RSAD2: variants seen among roughly 807,000 people sequenced by gnomAD.
RSAD2 encodes the protein S-adenosylmethionine-dependent nucleotide dehydratase RSAD2.
RSAD2 carries 38 observed loss-of-function variants against 37.7 expected under a neutral mutation model. The observed-to-expected ratio is 1.01, with a 90% CI of 0.78 to 1.32. The LOEUF (loss-of-function observed/expected upper bound fraction) is 1.32. Ranked by LOEUF, RSAD2 falls within the 40% of genes most tolerant of loss-of-function variation. The pLI is 0.00. For synonymous variants in RSAD2, 163 were observed against 157.4 expected, an observed-to-expected ratio of 1.04 and a Z score of -0.27; for missense variants, 428 against 437.5, an observed-to-expected ratio of 0.98 and a Z score of 0.19.
chr2:6,881,520 C>T (rs1311586833), intron 1 of RSAD2, among the ~76,000 whole-genome samples: 1 of 152,210 alleles, frequency 6.6e-6, no homozygotes, highest in Non-Finnish European at 1.5e-5. Flanking sequence ...AATTCTTCCA[C>T]TAAAAACCAG....
chr2:6,872,833 T>A (rs1020078968), upstream of RSAD2, among the ~76,000 whole-genome samples: 19 of 152,338 alleles, frequency 1.2e-4, no homozygotes, highest in African/African-American at 4.6e-4. Flanking sequence ...TAAAATTTGA[T>A]CTCCAGTATT....
intron 4 of RSAD2, 38 bp from the exon 5 acceptor site, chr2:6,893,633 C>T (rs1376998140): frequency 3.8e-6 from 6 of 1,560,246 alleles, no homozygotes; most frequent in African/African-American, 2.7e-5. Context: ...CTGAGAAATG[C>T]ACCTGAAACT....
chr2:6,878,150 AGTACATG>A lies in RSAD2; in HGVS notation c.346+7_346+13del. On this transcript the variant is annotated splice_donor_5th_base_variant and intron_variant, in intron 1 of 5. Coordinates refer to ENST00000382040, the MANE Select transcript of RSAD2 (RefSeq NM_080657.5). ...TTGCTTTTGCTTAAGGAAGCTGGTGAGTACATGGTCCTAGACAGAAATCAGGATTCTC... is the reference window on the plus strand; with the variant it reads ...TTGCTTTTGCTTAAGGAAGCTGGTGAGTCCTAGACAGAAATCAGGATTCTC... 1.2e-6 allele frequency: 2 copies of A among 1,610,718 alleles called. No individual in the cohort carries two copies. The highest frequency in any genetic ancestry group is 4.5e-5 in the East Asian group (2 of 44,878).
intron 3 of RSAD2, 46 bp from the exon 4 acceptor site, chr2:6,890,130 A>G (rs1217997108): frequency 6.3e-7 from 1 of 1,598,134 alleles, no homozygotes; most frequent in Non-Finnish European, 8.5e-7. Flanking sequence ...GGGGGAAAAC[A>G]CGATGGAAAG....
intron 3 of RSAD2, among the ~76,000 whole-genome samples, chr2:6,887,599 T>C (rs962612931): frequency 6.6e-6 from 1 of 152,232 alleles, no homozygotes; most frequent in Non-Finnish European, 1.5e-5. Context: ...CCCCAAGTTG[T>C]AGCAAAATGG....
In RSAD2 at chr2:6,878,084, A is replaced by G. The variant is rs146419478; in HGVS notation, c.284A>G (p.Lys95Arg). The G allele has an allele frequency of 8.1e-6, 13 of 1,614,034 alleles. No homozygotes were observed. Among genetic ancestry groups the G allele is most frequent in the Non-Finnish European group, 6.8e-6 (8 of 1,180,036 alleles). The change falls in exon 1 of 6, where the codon AAA becomes AGA. Residue 95 changes from lysine (K) to arginine (R), a missense_variant. Physicochemically the swap from Lys to Arg is conservative, Grantham distance 26. Coordinates refer to ENST00000382040, the MANE Select transcript of RSAD2 (RefSeq NM_080657.5). ...YKCGFCFHTA[K>R]TSFVLPLEEA... ...TGCGGCTTCTGTTTCCACACAGCCA[A>G]AACATCCTTTGTGCTGCCCCTTGAG...
intron 2 of RSAD2, among the ~76,000 whole-genome samples, chr2:6,884,479 G>C (rs1268555182): frequency 6.6e-6 from 1 of 152,214 alleles, no homozygotes; most frequent in Non-Finnish European, 1.5e-5. Context: ...TACTCAGAGA[G>C]AGAAAAAAGA....
intron 1 of RSAD2, chr2:6,878,671 G>T: frequency 8.8e-6 from 2 of 227,778 alleles, no homozygotes; most frequent in Non-Finnish European, 1.7e-5. Context: ...AATATGTCAA[G>T]GACTTAGCCT....
At chr2:6,871,996 A>G (rs547529353) in intron 1 of RSAD2, among the ~76,000 whole-genome samples, 7 of 152,356 alleles carry the variant, frequency 4.6e-5, no homozygotes, top group African/African-American at 1.7e-4. Flanking sequence ...AGATTATGCT[A>G]GATTTGCCTG....
upstream of RSAD2, chr2:6,877,723 A>G: frequency 9.0e-7 from 1 of 1,109,086 alleles, no homozygotes. Context: ...CAGGTTGCTC[A>G]GAGACTGCTG....
upstream of RSAD2, chr2:6,877,741 T>A (rs1558333733): frequency 2.2e-5 from 29 of 1,313,732 alleles, no homozygotes; most frequent in South Asian, 3.9e-4. Flanking sequence ...CTGATTTCCA[T>A]CCCTATATAA....
At chr2:6,868,116 A>C (rs1478902878) in intron 1 of RSAD2, among the ~76,000 whole-genome samples, 1 of 152,234 alleles carries the variant, frequency 6.6e-6, no homozygotes, top group Non-Finnish European at 1.5e-5. Context: ...CAGCACAGCT[A>C]TATCATAGGA....
At chr2:6,879,035 T>C (rs746764307) in intron 1 of RSAD2, 20 of 458,172 alleles carry the variant, frequency 4.4e-5, no homozygotes, top group Non-Finnish European at 7.9e-5. Context: ...CTCCAGCCAC[T>C]ACCCTGGTAA....
intron 5 of RSAD2, among the ~76,000 whole-genome samples, chr2:6,893,966 A>G (rs1317522436): frequency 6.6e-6 from 1 of 152,212 alleles, no homozygotes; most frequent in Non-Finnish European, 1.5e-5. Context: ...ATTGTCTGCC[A>G]TGTAACTATG....
intron 4 of RSAD2, among the ~76,000 whole-genome samples, chr2:6,891,630 G>T (rs528238304): frequency 6.6e-6 from 1 of 152,130 alleles, no homozygotes; most frequent in Non-Finnish European, 1.5e-5. Flanking sequence ...AGCCGGGCGT[G>T]GTTGCGGGCG....
intron 3 of RSAD2, among the ~76,000 whole-genome samples, chr2:6,889,869 C>G (rs367839910): frequency 1.3e-5 from 2 of 152,042 alleles, no homozygotes; most frequent in South Asian, 4.1e-4. Context: ...TTTTTATGCT[C>G]TTTTATAGTT....
At chr2:6,895,690 CA>C in intron 5 of RSAD2, 87 bp from the exon 6 acceptor site, 2 of 1,230,644 alleles carry the variant, frequency 1.6e-6, no homozygotes, top group Non-Finnish European at 2.3e-6. Flanking sequence ...ACTGGAATAT[CA>C]AAAGCTATTT....
chr2:6,884,048 A>G (rs1372703446), intron 2 of RSAD2, among the ~76,000 whole-genome samples: 1 of 152,238 alleles, frequency 6.6e-6, no homozygotes, highest in Non-Finnish European at 1.5e-5. Flanking sequence ...TCATGTCCAT[A>G]TAGCAGTTCT....
At position 6,896,202 on chromosome 2, in the gene RSAD2, G is replaced by C. The variant is rs1645828275; in HGVS notation, c.*260G>C. On this transcript the variant is annotated 3_prime_UTR_variant, in exon 6 of 6. Transcript: ENST00000382040. ...AAACAGCACTTCTGTTTTTGAGTTT[G>C]TTTTAGCTAAAAAGAAGGAATACAC... The C allele has an allele frequency of 1.7e-5, 6 of 354,684 alleles. No individual in the cohort carries two copies. The allele number at this position is 354,684 out of a possible 1,614,324, so 22.0% of individuals were successfully genotyped here.
Sources: gnomAD v4.1 joint callset for allele counts (sites outside exome capture counted in the v4.1 genomes callset) on GRCh38, gnomAD v4.1.1 for gene constraint, MANE v1.5 for transcripts, NCBI Gene and HGNC (gene_info 2026-07-23, HGNC 2026-07-21) for gene names.